The following MAP4K4 variants were observed in gnomAD, a reference collection of about 807,000 sequenced individuals.
The protein encoded by MAP4K4 is HPK/GCK-like kinase HGK.
Under a neutral mutation model 189.6 loss-of-function variants are expected in MAP4K4, and 38 were observed. The ratio of observed to expected loss-of-function variants is 0.20; its 90% confidence interval spans 0.15 to 0.26. The LOEUF is 0.26. Among genes scored for constraint, MAP4K4 ranks in the 10% least tolerant of loss-of-function variants. MAP4K4 has a pLI of 1.00. For synonymous variants in MAP4K4, 610 were observed against 624.3 expected (o/e 0.98, Z 0.34); for missense variants, 1,054 against 1,726.9 (o/e 0.61, Z 6.91).
At chr2:101,704,537 GTGTGTATATA>G (rs1196071985) in intron 2 of MAP4K4, among the ~76,000 whole-genome samples, 79 of 74,258 alleles carry the variant, frequency 1.1e-3, no homozygotes, top group African/African-American at 5.0e-3. Flanking sequence ...GTGTGTGTGT[GTGTGTATATA>G]TATATATATA....
At position 101,765,248 on chromosome 2, in the gene MAP4K4, A is replaced by G. The variant is rs182998590; in HGVS notation, c.124-25472A>G. On this transcript the variant is annotated intron_variant, in intron 2 of 32. Coordinates refer to ENST00000324219, the Ensembl canonical transcript of MAP4K4. ...GGGAATATTTGAATGTAGACTGGATATTGTGGATATTGGGTAATACAAGGA... is the reference window on the plus strand; with the variant it reads ...GGGAATATTTGAATGTAGACTGGATGTTGTGGATATTGGGTAATACAAGGA... Among the ~76,000 whole-genome samples, 270 of 152,210 alleles carry G rather than the reference A, an allele frequency of 1.8e-3. 1 individual carries two copies. Among genetic ancestry groups the G allele is most frequent in the African/African-American group, 6.4e-3 (264 of 41,538 alleles).
chr2:101,800,223 A>G (rs2094229198), intron 3 of MAP4K4, among the ~76,000 whole-genome samples: 1 of 151,934 alleles, frequency 6.6e-6, no homozygotes. Flanking sequence ...TCAACTTCCC[A>G]GGCTCAAGAG....
intron 2 of MAP4K4, among the ~76,000 whole-genome samples, chr2:101,714,077 G>T (rs2047120793): frequency 6.6e-6 from 1 of 152,174 alleles, no homozygotes; most frequent in Admixed American, 6.5e-5. Context: ...CCAATCCAGA[G>T]AGCATTGCTT....
At chr2:101,770,804 A>G (rs1295672837) in intron 2 of MAP4K4, among the ~76,000 whole-genome samples, 1 of 152,204 alleles carries the variant, frequency 6.6e-6, no homozygotes, top group Non-Finnish European at 1.5e-5. Flanking sequence ...GCCAGCCACA[A>G]GACCCATAAT....
intron 3 of MAP4K4, 60 bp downstream of exon 3, chr2:101,790,836 A>G (rs1575601291): frequency 1.5e-6 from 2 of 1,353,162 alleles, no homozygotes; most frequent in Non-Finnish European, 2.1e-6. Context: ...GATTCCCCCA[A>G]CAACACAGAG....
exon 33 of MAP4K4, chr2:101,891,509 A>G (rs1050683042): frequency 4.0e-5 from 14 of 354,380 alleles, no homozygotes; most frequent in Non-Finnish European, 5.3e-5. Flanking sequence ...ATCAGGTGCT[A>G]TAAGTGTTTG....
chr2:101,794,155 G>A (rs1053825197), intron 3 of MAP4K4, among the ~76,000 whole-genome samples: 5 of 152,168 alleles, frequency 3.3e-5, no homozygotes, highest in Non-Finnish European at 7.3e-5. Flanking sequence ...AAAGTGGATG[G>A]TATTAGGATA....
intron 26 of MAP4K4, 99 bp downstream of exon 26, chr2:101,874,351 G>A: frequency 9.3e-7 from 1 of 1,076,782 alleles, no homozygotes; most frequent in Non-Finnish European, 1.3e-6. Flanking sequence ...GGATAGACAG[G>A]ATGGAAGACT....
At chr2:101,859,116 C>T in intron 14 of MAP4K4, 34 bp downstream of exon 14, 1 of 1,575,022 alleles carries the variant, frequency 6.3e-7, no homozygotes, top group African/African-American at 1.3e-5. Flanking sequence ...TCTGTAGCAT[C>T]AGGGCTCCTT....
In MAP4K4 at chr2:101,865,799, A is replaced by G. The variant is rs554371230; in HGVS notation, c.2205-629A>G. 9.2e-5 allele frequency among the ~76,000 whole-genome samples: 14 copies of G among 152,326 alleles called. No homozygotes were observed. In the South Asian group the frequency reaches 2.9e-3, roughly 32 times the overall value. On this transcript the variant is annotated intron_variant, in intron 18 of 32. Coordinates refer to ENST00000324219, the Ensembl canonical transcript of MAP4K4. The stretch of plus-strand genomic sequence containing the variant: ...GCGCATGGAACCTTGGTCTGACTTG[A>G]GGTGTCAGATGGATGATAGCCCAAA...
intron 26 of MAP4K4, among the ~76,000 whole-genome samples, chr2:101,874,817 A>G (rs376551257): frequency 6.6e-5 from 10 of 152,254 alleles, no homozygotes; most frequent in African/African-American, 2.2e-4. Flanking sequence ...CAACTTGGAA[A>G]TATATCATGG....
At chr2:101,818,090 T>G (rs1576170945) in intron 3 of MAP4K4, among the ~76,000 whole-genome samples, 1 of 152,264 alleles carries the variant, frequency 6.6e-6, no homozygotes, top group South Asian at 2.1e-4. Flanking sequence ...TCTGTGCTGG[T>G]TTCATTGGTG....
At chr2:101,837,596 A>C (rs2149499085) in intron 9 of MAP4K4, among the ~76,000 whole-genome samples, 1 of 152,282 alleles carries the variant, frequency 6.6e-6, no homozygotes, top group South Asian at 2.1e-4. Flanking sequence ...CGCCTAGGGA[A>C]ACCATCAGTG....
At chr2:101,885,324 C>A in intron 29 of MAP4K4, 37 bp downstream of exon 29, 1 of 1,236,684 alleles carries the variant, frequency 8.1e-7, no homozygotes, top group Non-Finnish European at 1.2e-6. Context: ...TAGTATTGGC[C>A]ATTCAAGCTG....
exon 33 of MAP4K4, chr2:101,892,404 G>A (rs1421816103): frequency 1.9e-5 from 3 of 157,122 alleles, no homozygotes; most frequent in Admixed American, 1.9e-4. Context: ...TTACTTACAA[G>A]TTTAGAAACC....
At chr2:101,720,790 T>C (rs1233320649) in intron 2 of MAP4K4, among the ~76,000 whole-genome samples, 1 of 152,246 alleles carries the variant, frequency 6.6e-6, no homozygotes, top group Non-Finnish European at 1.5e-5. Flanking sequence ...TGATGGGGAA[T>C]AATTACTAGA....
At chr2:101,831,937 T>C in intron 7 of MAP4K4, 86 bp downstream of exon 7, 1 of 1,462,474 alleles carries the variant, frequency 6.8e-7, no homozygotes, top group Non-Finnish European at 9.2e-7. Flanking sequence ...GCACACCCCT[T>C]GTCTGCCTGC....
intron 12 of MAP4K4, among the ~76,000 whole-genome samples, chr2:101,849,014 G>A (rs1243221118): frequency 6.6e-6 from 1 of 152,184 alleles, no homozygotes; most frequent in African/African-American, 2.4e-5. Context: ...CTCTTCATGT[G>A]TGTGACTGTG....
rs1553478619 is a variant in MAP4K4, at chr2:101,797,890, T to TG, written c.180+7114_180+7115insG. ...GAAGCTTTTTAAAACATTCTTTTAG[T>TG]TTTTTTTTTTTTTTTTTTTTGGAGA... On this transcript the variant is annotated intron_variant, in intron 3 of 32. Transcript: ENST00000324219. 6.5e-3 allele frequency among the ~76,000 whole-genome samples: 151 copies of TG among 23,244 alleles called. 26 individuals are homozygous for TG. The highest frequency in any genetic ancestry group is 0.019 in the African/African-American group (98 of 5,258). 15.2% of individuals were successfully genotyped at this position (23,244 alleles called of 152,430 possible).
Sources: gnomAD v4.1 joint callset for allele counts (sites outside exome capture counted in the v4.1 genomes callset) on GRCh38, gnomAD v4.1.1 for gene constraint, MANE v1.5 for transcripts, NCBI Gene and HGNC (gene_info 2026-07-23, HGNC 2026-07-21) for gene names.